GRK7: variants seen among roughly 807,000 people sequenced by gnomAD.
GRK7 encodes the protein G protein-coupled receptor kinase 7.
GRK7 carries 24 observed loss-of-function variants against 34.1 expected under a neutral mutation model. The observed-to-expected ratio is 0.70, with a 90% CI of 0.51 to 0.99. The LOEUF is 0.99. Ranked by LOEUF, GRK7 falls within the 50% of genes least tolerant of loss-of-function variation. The probability of loss-of-function intolerance (pLI) is 0.00; values close to 1 mark genes in which losing one functional copy is unlikely to be tolerated. For missense variants in GRK7, 644 were observed against 707.3 expected (o/e 0.91, Z 1.02); for synonymous variants, 256 against 279.4 (o/e 0.92, Z 0.84).
intron 1 of GRK7, among the ~76,000 whole-genome samples, chr3:141,771,552 G>T (rs2084616972): frequency 6.6e-6 from 1 of 151,968 alleles, no homozygotes; most frequent in African/African-American, 2.4e-5. Context: ...GGGTAAGAAG[G>T]TGGGAGCAGG....
chr3:141,804,857 G>A (rs1003281348), intron 4 of GRK7, among the ~76,000 whole-genome samples: 5 of 144,284 alleles, frequency 3.5e-5, no homozygotes, highest in African/African-American at 1.3e-4. Flanking sequence ...ACACATACAC[G>A]CTCTCATACA....
the GRK7 span, among the ~76,000 whole-genome samples, chr3:141,752,485 G>A: frequency 6.6e-6 from 1 of 152,164 alleles, no homozygotes; most frequent in African/African-American, 2.4e-5. Flanking sequence ...TCAGCAGTGA[G>A]GTTGAGAAGT....
chr3:141,772,688 T>C (rs1392198691), intron 1 of GRK7, among the ~76,000 whole-genome samples: 1 of 152,204 alleles, frequency 6.6e-6, no homozygotes, highest in Admixed American at 6.5e-5. Flanking sequence ...CTTTAAATGA[T>C]GCAAAGGGTA....
At chr3:141,763,116 C>T (rs565421530), upstream of GRK7, among the ~76,000 whole-genome samples, 6 of 152,306 alleles carry the variant, frequency 3.9e-5, no homozygotes, top group East Asian at 3.9e-4. Context: ...AGCTGTAGAC[C>T]GGAGCTGTTC....
At position 141,802,054 on chromosome 3, in the gene GRK7, A is replaced by G. The variant is rs964694766; in HGVS notation, c.1051-5591A>G. 3.3e-5 allele frequency among the ~76,000 whole-genome samples: 5 copies of G among 152,284 alleles called. 1 individual carries two copies. ...GAAAAAAAGAGAAGAGACAAAATGC[A>G]AGGGAGAAAATGATCAAAGAAATAC... On this transcript the variant is annotated intron_variant, in intron 4 of 5. Coordinates refer to ENST00000682958, the MANE Select transcript of GRK7 (RefSeq NM_139209.3).
chr3:141,807,324 T>C (rs954353541), intron 4 of GRK7, among the ~76,000 whole-genome samples: 1 of 152,236 alleles, frequency 6.6e-6, no homozygotes, highest in Non-Finnish European at 1.5e-5. Context: ...ATCTTAAAGA[T>C]GAGGTGATGA....
intron 2 of GRK7, among the ~76,000 whole-genome samples, chr3:141,775,737 T>C (rs750834108): frequency 6.6e-6 from 1 of 152,092 alleles, no homozygotes; most frequent in Non-Finnish European, 1.5e-5. Flanking sequence ...GAAATGATAA[T>C]ATTTTGGATA....
chr3:141,797,378 G>C (rs1710901817), intron 4 of GRK7, among the ~76,000 whole-genome samples: 1 of 152,178 alleles, frequency 6.6e-6, no homozygotes, highest in East Asian at 1.9e-4. Context: ...AAGTCCCCTG[G>C]GGTCCCAGGG....
chr3:141,752,003 A>T, the GRK7 span, among the ~76,000 whole-genome samples: 116 of 152,358 alleles, frequency 7.6e-4, no homozygotes, highest in African/African-American at 2.7e-3. Flanking sequence ...TAAAACTAGG[A>T]TGTTGAACAT....
the GRK7 span, among the ~76,000 whole-genome samples, chr3:141,750,733 A>G: frequency 1.3e-5 from 2 of 151,796 alleles, no homozygotes; most frequent in Non-Finnish European, 2.9e-5. Context: ...AAAAATTGCC[A>G]GCATGAGTCT....
chr3:141,776,967 C>G (rs2084642674), intron 2 of GRK7, among the ~76,000 whole-genome samples: 1 of 152,140 alleles, frequency 6.6e-6, no homozygotes. Context: ...CTGTCTAGAT[C>G]AATTTCTGTC....
At chr3:141,793,997 G>A (rs1384689574) in intron 4 of GRK7, among the ~76,000 whole-genome samples, 2 of 152,120 alleles carry the variant, frequency 1.3e-5, no homozygotes, top group Non-Finnish European at 2.9e-5. Flanking sequence ...GGAAGCATGT[G>A]CCTGACCCCA....
chr3:141,772,973 T>C (rs2084623054), intron 1 of GRK7, among the ~76,000 whole-genome samples: 1 of 151,810 alleles, frequency 6.6e-6, no homozygotes, highest in Non-Finnish European at 1.5e-5. Flanking sequence ...CCATCTCTAC[T>C]AAAAATACAA....
intron 4 of GRK7, among the ~76,000 whole-genome samples, chr3:141,786,604 G>T (rs555407135): frequency 3.3e-5 from 5 of 151,912 alleles, no homozygotes; most frequent in African/African-American, 1.2e-4. Context: ...AGTGAAACCT[G>T]GTCTCTACTA....
At chr3:141,768,271 CTTTT>C (rs550541266) in intron 1 of GRK7, among the ~76,000 whole-genome samples, 2 of 137,914 alleles carry the variant, frequency 1.5e-5, no homozygotes, top group Non-Finnish European at 1.6e-5. Context: ...TCCTGTCAGC[CTTTT>C]TTTTTTTTTT....
the GRK7 span, among the ~76,000 whole-genome samples, chr3:141,757,343 C>A: frequency 2.0e-5 from 3 of 146,882 alleles, no homozygotes; most frequent in Non-Finnish European, 3.0e-5. Flanking sequence ...GTGATATTCC[C>A]CTTCATGTGT....
chr3:141,804,520 G>A (rs934775001), intron 4 of GRK7, among the ~76,000 whole-genome samples: 1 of 151,780 alleles, frequency 6.6e-6, no homozygotes, highest in Non-Finnish European at 1.5e-5. Context: ...GCTCTTCAGT[G>A]AAGTATTCTC....
chr3:141,798,245 TAGA>T lies in GRK7; in HGVS notation c.1051-9397_1051-9395del, dbSNP rs552599087. Among the ~76,000 whole-genome samples the T allele has an allele frequency of 5.3e-5, 8 of 152,260 alleles. No homozygotes were observed. In the East Asian group the frequency reaches 9.7e-4, roughly 18 times the overall value. ...GGGACTAAGCTTGAGATTACTGTAC[TAGA>T]AGGACTTCCCGCTGCCCCTGAGGGG... On this transcript the variant is annotated intron_variant, in intron 4 of 5. Transcript: ENST00000682958.
At position 141,791,795 on chromosome 3, in the gene GRK7, G is replaced by A. The variant is rs201021949; in HGVS notation, c.1050+10984G>A. On this transcript the variant is annotated intron_variant, in intron 4 of 5. Coordinates refer to ENST00000682958, the MANE Select transcript of GRK7 (RefSeq NM_139209.3). ...AAGGTGGGCAGATCACTTGAGGTCA[G>A]GAGTTTCAGACCAGCCTGGCCAACA... Among the ~76,000 whole-genome samples the A allele has an allele frequency of 3.3e-5, 5 of 152,036 alleles. No homozygotes were observed. The South Asian group carries it at 1.0e-3, about 32-fold the overall frequency.
Sources: allele counts gnomAD v4.1 joint callset (sites outside exome capture counted in the v4.1 genomes callset), GRCh38; gene constraint gnomAD v4.1.1; transcripts MANE v1.5; gene names NCBI Gene and HGNC (gene_info 2026-07-23, HGNC 2026-07-21).